Variants in CPA5 observed in about 807,000 individuals in gnomAD.
CPA5 encodes testicular tissue protein Li 32.
Under a neutral mutation model 52.2 loss-of-function variants are expected in CPA5, and 38 were observed. The observed-to-expected ratio is 0.73, with a 90% CI of 0.56 to 0.95. The LOEUF (loss-of-function observed/expected upper bound fraction) is 0.95, where lower values mean the gene tolerates loss of function less well. Ranked by LOEUF, CPA5 falls within the 40% of genes least tolerant of loss-of-function variation. The pLI is 0.00. For synonymous variants in CPA5, 198 were observed against 213.7 expected (o/e 0.93, Z 0.64); for missense variants, 519 against 566.7 (o/e 0.92, Z 0.86).
intron 5 of CPA5, among the ~76,000 whole-genome samples, chr7:130,354,734 T>C (rs2117358237): frequency 6.6e-6 from 1 of 152,050 alleles, no homozygotes; most frequent in South Asian, 2.1e-4. Context: ...GTTTTTGTTT[T>C]TTAAGATGGG....
intron 9 of CPA5, 123 bp from the exon 10 acceptor site, chr7:130,363,296 T>C: frequency 1.3e-6 from 1 of 744,300 alleles, no homozygotes; most frequent in South Asian, 1.8e-5. Flanking sequence ...GTCCTGGCAA[T>C]TCCTTCCCTT....
chr7:130,356,561 G>A (rs1795487742), intron 5 of CPA5, among the ~76,000 whole-genome samples: 1 of 152,182 alleles, frequency 6.6e-6, no homozygotes, highest in South Asian at 2.1e-4. Context: ...CTGGAAGTGG[G>A]GCCAGCTGTG....
At chr7:130,346,754 C>T (rs1320315266) in intron 3 of CPA5, among the ~76,000 whole-genome samples, 153 bp downstream of exon 3, 1 of 152,080 alleles carries the variant, frequency 6.6e-6, no homozygotes, top group Non-Finnish European at 1.5e-5. Flanking sequence ...CCACAGCCTC[C>T]CACTTTCATG....
intron 5 of CPA5, among the ~76,000 whole-genome samples, chr7:130,354,991 G>A (rs536035586): frequency 1.1e-4 from 17 of 152,172 alleles, no homozygotes; most frequent in Admixed American, 7.9e-4. Flanking sequence ...AAGATTGCAG[G>A]AGAAGCCAGG....
At position 130,362,423 on chromosome 7, in the gene CPA5, G is replaced by T; in HGVS notation, c.535-15G>T. 2 of 1,596,902 alleles carry T rather than the reference G, an allele frequency of 1.3e-6. No homozygotes were observed. Among genetic ancestry groups the T allele is most frequent in the Non-Finnish European group, 1.7e-6 (2 of 1,165,550 alleles). On this transcript the variant is annotated splice_polypyrimidine_tract_variant and intron_variant, in intron 7 of 12. Coordinates refer to ENST00000474905, the MANE Select transcript of CPA5 (RefSeq NM_080385.5). ...GAGTTCAAACCTCGGTTTGGGGCCC[G>T]ATTCTTTTTCTCAGTTCAGCACTGG...
At chr7:130,357,515 C>G (rs546817117) in intron 5 of CPA5, among the ~76,000 whole-genome samples, 1 of 151,618 alleles carries the variant, frequency 6.6e-6, no homozygotes, top group African/African-American at 2.4e-5. Context: ...CCCAGCTACT[C>G]GGGAGGCAGA....
intron 9 of CPA5, 88 bp downstream of exon 9, chr7:130,363,082 A>G: frequency 1.3e-6 from 1 of 790,208 alleles, no homozygotes; most frequent in South Asian, 1.6e-5. Flanking sequence ...CAGCCCCTTC[A>G]GAGCCTCTTT....
Position 130,361,313 on chromosome 7 carries a change from G to T in CPA5, c.534+69G>T. The T allele has an allele frequency of 8.2e-6, 9 of 1,094,396 alleles. No homozygotes were observed. In the South Asian group the frequency reaches 1.1e-4, roughly 14 times the overall value. The allele number at this position is 1,094,396 out of a possible 1,614,324, so 67.8% of individuals were successfully genotyped here. On this transcript the variant is annotated intron_variant, in intron 7 of 12. Transcript: ENST00000474905. ...CTCTGGCATAAGATTGATCTCATATGGGGTAGTGGCTGGGCGGGAGTTTTG... is the reference window on the plus strand; with the variant it reads ...CTCTGGCATAAGATTGATCTCATATTGGGTAGTGGCTGGGCGGGAGTTTTG...
downstream of CPA5, among the ~76,000 whole-genome samples, chr7:130,369,601 G>A (rs1796268945): frequency 6.6e-6 from 1 of 152,152 alleles, no homozygotes; most frequent in African/African-American, 2.4e-5. Flanking sequence ...ACTTGCATTT[G>A]CAAGAGCCAG....
downstream of CPA5, among the ~76,000 whole-genome samples, chr7:130,369,663 G>A (rs896946562): frequency 2.0e-5 from 3 of 152,096 alleles, no homozygotes; most frequent in Non-Finnish European, 4.4e-5. Flanking sequence ...GTGTGTGCAC[G>A]TGTGTGCATG....
intron 6 of CPA5, among the ~76,000 whole-genome samples, chr7:130,360,083 A>G (rs1230148117): frequency 6.6e-6 from 1 of 152,188 alleles, no homozygotes; most frequent in Non-Finnish European, 1.5e-5. Context: ...GGATTAAAAA[A>G]CTGCCTAAAT....
chr7:130,367,889 C>G lies in CPA5; in HGVS notation c.1039-17C>G. 6.2e-7 allele frequency: 1 copy of G among 1,612,542 alleles called. No individual in the cohort carries two copies. The highest frequency in any genetic ancestry group is 8.5e-7 in the Non-Finnish European group (1 of 1,178,506). ...CGGGGAGCCCCTGCCTTTCACCCCG[C>G]CAATGTCATCTTGCAGTACGATCTT... On this transcript the variant is annotated splice_polypyrimidine_tract_variant and intron_variant, in intron 11 of 12. Coordinates refer to ENST00000474905, the MANE Select transcript of CPA5 (RefSeq NM_080385.5).
Position 130,362,897 on chromosome 7 carries a change from A to C in CPA5, c.650A>C (p.Tyr217Ser), listed in dbSNP as rs1554407168. The change falls in exon 9 of 13, where the codon TAT becomes TCT. Residue 217 changes from tyrosine (Y) to serine (S), a missense_variant. Transcript: ENST00000474905. ...TCTTTCTTGCAGATTGTCAGTGATT[A>C]TGGCAAAGACCGTGTCCTGACAGAC... ...IWTANKIVSD[Y>S]GKDRVLTDIL... The C allele has an allele frequency of 6.2e-7, 1 of 1,612,112 alleles. No homozygotes were observed. Among genetic ancestry groups the C allele is most frequent in the Admixed American group, 1.7e-5 (1 of 60,000 alleles).
rs782628713 is a variant in CPA5, at chr7:130,363,031, G to T, written c.747+37G>T. On this transcript the variant is annotated intron_variant, in intron 9 of 12. Transcript: ENST00000474905. Reference sequence around the variant, plus strand: ...TGGGAAGGATGGAAGGAGGGGGTCAGCTCTAGGGGGATGGAGAAAAGGTCA... The same window carrying T: ...TGGGAAGGATGGAAGGAGGGGGTCATCTCTAGGGGGATGGAGAAAAGGTCA... 3 of 1,264,038 alleles carry T rather than the reference G, an allele frequency of 2.4e-6. No individual in the cohort carries two copies. In the Admixed American group the frequency reaches 5.2e-5, roughly 22 times the overall value. The allele number at this position is 1,264,038 out of a possible 1,614,324, so 78.3% of individuals were successfully genotyped here.
intron 3 of CPA5, among the ~76,000 whole-genome samples, chr7:130,347,194 G>A (rs1291716900): frequency 6.6e-6 from 1 of 152,090 alleles, no homozygotes; most frequent in Non-Finnish European, 1.5e-5. Flanking sequence ...CCCAGGTGTC[G>A]CACCCCAGAG....
At chr7:130,351,316 T>A (rs1234215352) in intron 5 of CPA5, among the ~76,000 whole-genome samples, 1 of 152,186 alleles carries the variant, frequency 6.6e-6, no homozygotes, top group Non-Finnish European at 1.5e-5. Context: ...AAGTTTCCAT[T>A]TCCCTGGTTC....
chr7:130,348,662 C>T (rs1277472647), intron 4 of CPA5, among the ~76,000 whole-genome samples: 1 of 152,142 alleles, frequency 6.6e-6, no homozygotes, highest in Non-Finnish European at 1.5e-5. Flanking sequence ...TCTCTGGATC[C>T]TGACGAAGTT....
chr7:130,353,037 T>C (rs533483548), intron 5 of CPA5, among the ~76,000 whole-genome samples: 2 of 152,238 alleles, frequency 1.3e-5, no homozygotes, highest in Non-Finnish European at 2.9e-5. Flanking sequence ...CAGAATACAA[T>C]TGAGTGTAAA....
At chr7:130,367,122 ATTTTT>A (rs11362399) in intron 10 of CPA5, among the ~76,000 whole-genome samples, 7 of 147,450 alleles carry the variant, frequency 4.7e-5, no homozygotes, top group Non-Finnish European at 1.1e-4. Context: ...TCTATCTAGA[ATTTTT>A]TTTTTTTGCT....
Sources: allele counts gnomAD v4.1 joint callset (sites outside exome capture counted in the v4.1 genomes callset), GRCh38; gene constraint gnomAD v4.1.1; transcripts MANE v1.5; gene names NCBI Gene and HGNC (gene_info 2026-07-23, HGNC 2026-07-21).